The following KIZ variants were observed in gnomAD, a reference collection of about 807,000 sequenced individuals.
KIZ encodes kizuna centrosomal protein, also known as centrosomal protein kizuna.
Under a neutral mutation model 79.6 loss-of-function variants are expected in KIZ, and 68 were observed. The observed-to-expected ratio is 0.85, with a 90% CI of 0.70 to 1.05. The LOEUF (loss-of-function observed/expected upper bound fraction) is 1.05. Ranked by LOEUF, KIZ falls within the 50% of genes least tolerant of loss-of-function variation. The pLI is 0.00. For synonymous variants in KIZ, 280 were observed against 281.8 expected, an observed-to-expected ratio of 0.99 and a Z score of 0.06; for missense variants, 797 against 800.4, an observed-to-expected ratio of 1.00 and a Z score of 0.05.
chr20:21,208,526 AC>A (rs1176117001), intron 7 of KIZ, among the ~76,000 whole-genome samples: 7 of 152,272 alleles, frequency 4.6e-5, no homozygotes, highest in African/African-American at 1.7e-4. Flanking sequence ...ACACGGTGAA[AC>A]CCCGTCTCTA....
chr20:21,225,466 A>G (rs1178491627), intron 9 of KIZ, among the ~76,000 whole-genome samples: 1 of 152,200 alleles, frequency 6.6e-6, no homozygotes, highest in Non-Finnish European at 1.5e-5. Context: ...GAAACCTTTA[A>G]AGCAACCACC....
At chr20:21,141,582 C>T (rs932187143) in intron 3 of KIZ, among the ~76,000 whole-genome samples, 5 of 152,010 alleles carry the variant, frequency 3.3e-5, no homozygotes, top group Admixed American at 6.6e-5. Context: ...GTGTGTAGAA[C>T]GTTGCCAGCA....
At chr20:21,129,001 T>G (rs2031665570) in intron 1 of KIZ, among the ~76,000 whole-genome samples, 1 of 152,190 alleles carries the variant, frequency 6.6e-6, no homozygotes, top group Non-Finnish European at 1.5e-5. Flanking sequence ...ACTGAAAACA[T>G]GAACTATGGG....
At chr20:21,192,927 G>C (rs2123045775) in intron 6 of KIZ, among the ~76,000 whole-genome samples, 1 of 152,294 alleles carries the variant, frequency 6.6e-6, no homozygotes, top group African/African-American at 2.4e-5. Context: ...CCTTCTTTCT[G>C]CAGTGTAAGT....
At chr20:21,202,873 A>G (rs935761904) in intron 6 of KIZ, among the ~76,000 whole-genome samples, 5 of 152,290 alleles carry the variant, frequency 3.3e-5, no homozygotes, top group Middle Eastern at 3.4e-3. Context: ...TCGAAGTCTC[A>G]TATACCCACT....
intron 4 of KIZ, among the ~76,000 whole-genome samples, chr20:21,153,068 G>C (rs1211945639): frequency 6.6e-6 from 1 of 152,128 alleles, no homozygotes; most frequent in Non-Finnish European, 1.5e-5. Flanking sequence ...TTTAAATCCT[G>C]GCTCTGTGAA....
chr20:21,218,288 C>G (rs987422577), intron 9 of KIZ: 3 of 152,168 alleles, frequency 2.0e-5, no homozygotes, highest in Non-Finnish European at 2.9e-5. Context: ...CCAGACATCT[C>G]TGTCTCGGGG....
chr20:21,146,547 G>T (rs1055660549), intron 4 of KIZ, among the ~76,000 whole-genome samples: 4 of 152,118 alleles, frequency 2.6e-5, no homozygotes, highest in Non-Finnish European at 4.4e-5. Context: ...AGACTTTCAG[G>T]TTTGCCCTAT....
chr20:21,135,411 T>A (rs1027894055), intron 2 of KIZ, among the ~76,000 whole-genome samples: 1 of 152,218 alleles, frequency 6.6e-6, no homozygotes, highest in African/African-American at 2.4e-5. Context: ...GCCTTCAGTT[T>A]TTATTCAGAA....
intron 6 of KIZ, chr20:21,196,151 C>T (rs1195120205): frequency 2.0e-5 from 3 of 152,176 alleles, no homozygotes; most frequent in African/African-American, 7.2e-5. Flanking sequence ...GTATTCTTTC[C>T]AGAGTTTCAT....
chr20:21,202,579 C>T (rs950480392), intron 6 of KIZ, among the ~76,000 whole-genome samples: 1 of 152,118 alleles, frequency 6.6e-6, no homozygotes, highest in African/African-American at 2.4e-5. Context: ...AGGTCAGGCA[C>T]AAGTAATAAC....
intron 6 of KIZ, among the ~76,000 whole-genome samples, chr20:21,201,981 T>G (rs2035617178): frequency 6.6e-6 from 1 of 152,232 alleles, no homozygotes; most frequent in Non-Finnish European, 1.5e-5. Flanking sequence ...AAACCCTAGG[T>G]GCTGTACCTC....
chr20:21,202,323 G>T (rs1156842084), intron 6 of KIZ: 2 of 152,220 alleles, frequency 1.3e-5, no homozygotes, highest in African/African-American at 4.8e-5. Flanking sequence ...CCTGCTGAAT[G>T]GGCTAGAATT....
At chr20:21,144,931 T>C (rs2032766659) in intron 3 of KIZ, among the ~76,000 whole-genome samples, 2 of 152,200 alleles carry the variant, frequency 1.3e-5, no homozygotes, top group South Asian at 4.1e-4. Flanking sequence ...AAAGCCATTT[T>C]AAGATTGAAT....
chr20:21,236,011 C>T lies in KIZ; in HGVS notation c.1880+3181C>T, dbSNP rs781269690. ...CTTTAGGTTCTTATATAAAAGCACT[C>T]TTCTCTGTCTTGGGTTTGGCACATC... On this transcript the variant is annotated intron_variant, in intron 11 of 12. Coordinates refer to ENST00000619189, the MANE Select transcript of KIZ (RefSeq NM_018474.6). Among the ~76,000 whole-genome samples, 50 of 152,346 alleles carry T rather than the reference C, an allele frequency of 3.3e-4. No individual in the cohort carries two copies. In the Middle Eastern group the frequency reaches 0.014, roughly 41 times the overall value.
intron 4 of KIZ, chr20:21,160,751 G>A (rs2033615884): frequency 6.6e-6 from 1 of 152,104 alleles, no homozygotes; most frequent in African/African-American, 2.4e-5. Flanking sequence ...TGAGGACTTT[G>A]GGAAGTGATT....
chr20:21,128,720 A>G (rs1460836223), intron 1 of KIZ, among the ~76,000 whole-genome samples: 4 of 152,230 alleles, frequency 2.6e-5, no homozygotes, highest in South Asian at 4.1e-4. Context: ...GTAGAAACTT[A>G]TAAGTGGAAT....
At chr20:21,205,388 TTC>T in intron 6 of KIZ, 101 bp from the exon 7 acceptor site, 2 of 544,432 alleles carry the variant, frequency 3.7e-6, no homozygotes, top group Non-Finnish European at 3.2e-6. Flanking sequence ...AGTTCCAGAC[TTC>T]TGGATAAACC....
At chr20:21,133,501 G>T (rs1487789909) in intron 2 of KIZ, among the ~76,000 whole-genome samples, 1 of 152,226 alleles carries the variant, frequency 6.6e-6, no homozygotes, top group African/African-American at 2.4e-5. Context: ...CCTTCTGGTG[G>T]TGGGAGGGGC....
Sources: gnomAD v4.1 joint callset for allele counts (sites outside exome capture counted in the v4.1 genomes callset) on GRCh38, gnomAD v4.1.1 for gene constraint, MANE v1.5 for transcripts, NCBI Gene and HGNC (gene_info 2026-07-23, HGNC 2026-07-21) for gene names.